CYLD: variants seen among roughly 807,000 people sequenced by gnomAD.
CYLD encodes CYLD lysine 63 deubiquitinase.
In CYLD, 26 loss-of-function variants were observed where a neutral mutation model predicts 104.5. The observed-to-expected ratio is 0.25, with a 90% CI of 0.18 to 0.35. CYLD has a LOEUF of 0.35. CYLD is among the 10% of genes least tolerant of loss of function. The probability of loss-of-function intolerance (pLI) is 1.00; values close to 1 mark genes in which losing one functional copy is unlikely to be tolerated. For missense variants in CYLD, 703 were observed against 1,136.1 expected (o/e 0.62, Z 5.48); for synonymous variants, 385 against 399.9 (o/e 0.96, Z 0.45).
chr16:50,749,575 G>A lies in CYLD; in HGVS notation c.-123-1G>A. Reference sequence around the variant, plus strand: ...CATTTTGATTTCCTTTCTTTTTACAGCATGGACACCACGTTGCTGAAAACA... The same window carrying A: ...CATTTTGATTTCCTTTCTTTTTACAACATGGACACCACGTTGCTGAAAACA... On this transcript the variant is annotated splice_acceptor_variant, in intron 2 of 18. Coordinates refer to ENST00000427738, the MANE Select transcript of CYLD (RefSeq NM_001378743.1). LOFTEE classifies it low-confidence loss of function (5UTR_SPLICE). 1.1e-6 allele frequency: 1 copy of A among 946,388 alleles called. No homozygotes were observed. The highest frequency in any genetic ancestry group is 1.6e-6 in the Non-Finnish European group (1 of 628,780). 58.6% of individuals were successfully genotyped at this position (946,388 alleles called of 1,614,324 possible).
At chr16:50,751,444 C>T (rs917352806) in intron 3 of CYLD, among the ~76,000 whole-genome samples, 160 bp from the exon 4 acceptor site, 1 of 152,162 alleles carries the variant, frequency 6.6e-6, no homozygotes, top group African/African-American at 2.4e-5. Context: ...TTTTTTAAAA[C>T]ACTCTAAATC....
chr16:50,787,039 G>T (rs757929910), intron 13 of CYLD, 93 bp downstream of exon 13: 2 of 1,089,118 alleles, frequency 1.8e-6, no homozygotes, highest in African/African-American at 1.6e-5. Flanking sequence ...GTAGTTGGGG[G>T]GTTTTCTTTT....
Position 50,749,922 on chromosome 16 carries a change from T to A in CYLD, c.224T>A (p.Leu75Gln), listed in dbSNP as rs1278474345. 6.2e-7 allele frequency: 1 copy of A among 1,614,186 alleles called. No homozygotes were observed. The highest frequency in any genetic ancestry group is 2.2e-5 in the East Asian group (1 of 44,884). The change falls in exon 3 of 19, where the codon CTA becomes CAA. Residue 75 changes from leucine to glutamine, a missense_variant. Physicochemically the swap from Leu to Gln is moderately radical, Grantham distance 113. Coordinates refer to ENST00000427738, the MANE Select transcript of CYLD (RefSeq NM_001378743.1). Reference sequence around the variant, plus strand: ...AAAAATCAGATTGGATTAAAAATTCTAGAGCAACCTCATGCAGTTCTCTTT... The same window carrying A: ...AAAAATCAGATTGGATTAAAAATTCAAGAGCAACCTCATGCAGTTCTCTTT... The part of the protein sequence containing the change: ...GKKNQIGLKI[L>Q]EQPHAVLFVD...
intron 12 of CYLD, 179 bp from the exon 13 acceptor site, chr16:50,786,676 C>A: frequency 1.8e-6 from 1 of 550,596 alleles, no homozygotes; most frequent in Non-Finnish European, 3.2e-6. Context: ...ATGAGAATCT[C>A]TTGAGCCTGG....
chr16:50,780,767 C>T (rs185344446), intron 9 of CYLD, among the ~76,000 whole-genome samples: 2 of 152,216 alleles, frequency 1.3e-5, no homozygotes, highest in East Asian at 3.9e-4. Flanking sequence ...GATCTGCCCG[C>T]CTTGGCCTCC....
At chr16:50,790,573 T>G (rs577398908) in intron 14 of CYLD, among the ~76,000 whole-genome samples, 11 of 152,324 alleles carry the variant, frequency 7.2e-5, no homozygotes, top group South Asian at 2.1e-4. Context: ...CTTCAGGTTT[T>G]TTGATTATCA....
chr16:50,742,602 G>C (rs1965799112), intron 1 of CYLD, 160 bp from the exon 2 acceptor site: 2 of 380,008 alleles, frequency 5.3e-6, no homozygotes, highest in East Asian at 7.5e-5. Flanking sequence ...GGCGGGCCCC[G>C]ACGGCCACGG....
chr16:50,787,667 G>A (rs1205305907), intron 13 of CYLD, 119 bp from the exon 14 acceptor site: 1 of 603,656 alleles, frequency 1.7e-6, no homozygotes, highest in Non-Finnish European at 3.0e-6. Flanking sequence ...GCTTTTAATT[G>A]AAATAATATT....
intron 8 of CYLD, among the ~76,000 whole-genome samples, chr16:50,779,421 C>T (rs1384583766): frequency 1.3e-5 from 2 of 152,056 alleles, no homozygotes; most frequent in Admixed American, 6.6e-5. Flanking sequence ...ATACGATACC[C>T]GCTGATAATA....
intron 5 of CYLD, among the ~76,000 whole-genome samples, chr16:50,770,018 T>C (rs1968972330): frequency 6.6e-6 from 1 of 152,226 alleles, no homozygotes; most frequent in South Asian, 2.1e-4. Flanking sequence ...ATATTCCATA[T>C]TATGGATGTA....
At chr16:50,792,568 G>A (rs1380050902) in intron 15 of CYLD, 29 bp from the exon 16 acceptor site, 1 of 1,499,262 alleles carries the variant, frequency 6.7e-7, no homozygotes, top group East Asian at 2.3e-5. Flanking sequence ...TTAACACTTT[G>A]ATTCTAAAAA....
At chr16:50,793,079 G>T (rs1971584648) in intron 16 of CYLD, among the ~76,000 whole-genome samples, 1 of 150,740 alleles carries the variant, frequency 6.6e-6, no homozygotes, top group Admixed American at 6.6e-5. Flanking sequence ...AAGTGGAAAG[G>T]TAAGTACGTT....
intron 2 of CYLD, among the ~76,000 whole-genome samples, chr16:50,744,147 T>C (rs964325552): frequency 1.3e-5 from 2 of 152,154 alleles, no homozygotes; most frequent in African/African-American, 4.8e-5. Context: ...GGCAGCAGTA[T>C]TCCTTGTTCC....
At chr16:50,773,162 A>C (rs919853175) in intron 5 of CYLD, among the ~76,000 whole-genome samples, 3 of 152,226 alleles carry the variant, frequency 2.0e-5, no homozygotes, top group Admixed American at 2.0e-4. Context: ...GCGGTACATT[A>C]ATTAAACAAT....
At chr16:50,784,540 A>G in intron 12 of CYLD, 89 bp downstream of exon 12, 1 of 1,348,048 alleles carries the variant, frequency 7.4e-7, no homozygotes, top group South Asian at 1.2e-5. Flanking sequence ...CCTTGTCTTC[A>G]TGTAATAAGA....
rs560501574 is a variant in CYLD at position 50,758,622 on chromosome 16, G to A, written c.913+4198G>A. On this transcript the variant is annotated intron_variant, in intron 5 of 18. Transcript: ENST00000427738. ...TGGGGTGGTATGAAGAGGATGGTAA[G>A]TGAAGGATTTGGATATAATGTAAAG... is the stretch of plus-strand genomic sequence containing the variant. Among the ~76,000 whole-genome samples, 4 of 152,286 alleles carry A rather than the reference G, an allele frequency of 2.6e-5. No homozygotes were observed. The East Asian group carries it at 7.7e-4, about 29-fold the overall frequency.
intron 8 of CYLD, 117 bp from the exon 9 acceptor site, chr16:50,779,548 A>G (rs1401353238): frequency 3.3e-6 from 3 of 909,494 alleles, no homozygotes; most frequent in South Asian, 1.5e-5. Context: ...TGAGAGTACT[A>G]TTAATAGCAG....
chr16:50,768,917 C>T (rs1291252357), intron 5 of CYLD, among the ~76,000 whole-genome samples: 1 of 152,202 alleles, frequency 6.6e-6, no homozygotes, highest in Non-Finnish European at 1.5e-5. Flanking sequence ...GTCTTCTTTA[C>T]ATCAGTATAC....
At chr16:50,758,218 T>C (rs1051284972) in intron 5 of CYLD, among the ~76,000 whole-genome samples, 12 of 152,228 alleles carry the variant, frequency 7.9e-5, no homozygotes, top group African/African-American at 2.9e-4. Context: ...ATTTGAGCTG[T>C]TGACATGAAG....
Sources: gnomAD v4.1 joint callset for allele counts (sites outside exome capture counted in the v4.1 genomes callset) on GRCh38, gnomAD v4.1.1 for gene constraint, MANE v1.5 for transcripts, NCBI Gene and HGNC (gene_info 2026-07-23, HGNC 2026-07-21) for gene names.